The following CAST variants were observed in gnomAD, a reference collection of about 807,000 sequenced individuals.
CAST encodes the protein MIR583 host.
CAST carries 76 observed loss-of-function variants against 119.6 expected under a neutral mutation model. The ratio of observed to expected loss-of-function variants is 0.64; its 90% confidence interval spans 0.53 to 0.77. The LOEUF (loss-of-function observed/expected upper bound fraction) is 0.77, where lower values mean the gene tolerates loss of function less well. Among genes scored for constraint, CAST ranks in the 30% least tolerant of loss-of-function variants. CAST has a pLI of 0.00. For synonymous variants in CAST, 319 were observed against 331.6 expected (o/e 0.96, Z 0.41); for missense variants, 953 against 946.5 (o/e 1.01, Z -0.09).
At chr5:96,698,093 C>T (rs1472703319) in intron 3 of CAST, among the ~76,000 whole-genome samples, 1 of 152,194 alleles carries the variant, frequency 6.6e-6, no homozygotes, top group Non-Finnish European at 1.5e-5. Flanking sequence ...TGTAAATGTT[C>T]CCACACTTGC....
At chr5:96,147,075 G>T in the CAST span, among the ~76,000 whole-genome samples, 1 of 152,150 alleles carries the variant, frequency 6.6e-6, no homozygotes, top group Non-Finnish European at 1.5e-5. Context: ...TAACTTTAGT[G>T]CCCCATGTTC....
chr5:96,627,393 T>C (rs530526152), intron 1 of CAST, among the ~76,000 whole-genome samples: 130 of 152,358 alleles, frequency 8.5e-4, no homozygotes, highest in Non-Finnish European at 1.5e-3. Context: ...AGACCTTTTA[T>C]GTAAAATGAC....
the CAST span, among the ~76,000 whole-genome samples, chr5:96,517,571 G>T: frequency 5.1e-4 from 77 of 152,190 alleles, 1 homozygote; most frequent in Admixed American, 1.8e-3. Context: ...AATGGAGCTG[G>T]CACTCATTGT....
intron 1 of CAST, among the ~76,000 whole-genome samples, chr5:96,555,240 G>A (rs566955668): frequency 7.9e-5 from 12 of 152,114 alleles, no homozygotes; most frequent in South Asian, 2.1e-4. Flanking sequence ...GGATGAGTTC[G>A]GAGGGTGGAG....
At chr5:96,507,187 A>G in the CAST span, among the ~76,000 whole-genome samples, 1 of 152,082 alleles carries the variant, frequency 6.6e-6, no homozygotes, top group African/African-American at 2.4e-5. Flanking sequence ...AGACCTGGGG[A>G]TGAGAAGGAG....
At chr5:96,409,198 G>T in the CAST span, among the ~76,000 whole-genome samples, 1 of 152,186 alleles carries the variant, frequency 6.6e-6, no homozygotes, top group Non-Finnish European at 1.5e-5. Flanking sequence ...CGGCGCTGCT[G>T]GTTGGGCCAA....
chr5:96,490,327 A>G, the CAST span, among the ~76,000 whole-genome samples: 1 of 149,174 alleles, frequency 6.7e-6, no homozygotes, highest in Non-Finnish European at 1.5e-5. Flanking sequence ...ATTTCAGCAG[A>G]GGGGTGTTGT....
At chr5:96,095,396 C>T in the CAST span, among the ~76,000 whole-genome samples, 42 of 151,110 alleles carry the variant, frequency 2.8e-4, no homozygotes, top group Admixed American at 7.9e-4. Flanking sequence ...ATAGAGACAC[C>T]CCTGTTTCTA....
intron 1 of CAST, among the ~76,000 whole-genome samples, chr5:96,620,640 A>T (rs867392916): frequency 2.6e-5 from 4 of 152,164 alleles, no homozygotes; most frequent in Non-Finnish European, 5.9e-5. Flanking sequence ...TTGACTTATG[A>T]TATTTATCAA....
chr5:96,202,669 T>A, the CAST span, among the ~76,000 whole-genome samples: 1 of 152,116 alleles, frequency 6.6e-6, no homozygotes, highest in Non-Finnish European at 1.5e-5. Flanking sequence ...AAGATAGCAT[T>A]GACTTTAGGT....
intron 1 of CAST, among the ~76,000 whole-genome samples, chr5:96,597,732 T>C (rs972303037): frequency 6.6e-5 from 10 of 152,286 alleles, no homozygotes; most frequent in Admixed American, 5.9e-4. Context: ...TACCAAATAA[T>C]TATCGTGTCT....
rs27969 is a variant in CAST at position 96,757,737 on chromosome 5, C to T, written c.1833+83C>T. The stretch of plus-strand genomic sequence containing the variant: ...ATGGAGTCTTGCTCTGTCATCCAGG[C>T]GGGAGTACAGTGGTGCCATCTTCAG... On this transcript the variant is annotated intron_variant, in intron 24 of 31. Transcript: ENST00000675179. The T allele has an allele frequency of 0.28, 253,735 of 917,914 alleles. 39,238 individuals carry two copies. The highest frequency in any genetic ancestry group is 0.57 in the East Asian group (21,859 of 38,638). 56.9% of individuals were successfully genotyped at this position (917,914 alleles called of 1,614,324 possible).
chr5:96,024,436 T>C, the CAST span, among the ~76,000 whole-genome samples: 4 of 152,176 alleles, frequency 2.6e-5, no homozygotes, highest in African/African-American at 9.6e-5. Flanking sequence ...GCAGTGATAT[T>C]TGTAATTCCT....
the CAST span, among the ~76,000 whole-genome samples, chr5:96,221,467 G>A: frequency 6.6e-6 from 1 of 151,846 alleles, no homozygotes. Context: ...CACCAATAAT[G>A]AAATAGCTGA....
intron 1 of CAST, among the ~76,000 whole-genome samples, chr5:96,616,204 C>T (rs796885321): frequency 2.6e-5 from 4 of 152,300 alleles, no homozygotes; most frequent in African/African-American, 9.6e-5. Context: ...TCCTTCAATC[C>T]AATCAAGTTG....
At chr5:96,478,928 T>C in the CAST span, among the ~76,000 whole-genome samples, 1 of 152,184 alleles carries the variant, frequency 6.6e-6, no homozygotes, top group Non-Finnish European at 1.5e-5. Context: ...GGATAACTGA[T>C]AGACTCAATT....
the CAST span, among the ~76,000 whole-genome samples, chr5:96,416,760 C>CCCCAGG: frequency 1.3e-5 from 2 of 152,160 alleles, no homozygotes; most frequent in African/African-American, 4.8e-5. Context: ...TCCTGAAATC[C>CCCCAGG]CAACTGGGGC....
At chr5:96,660,827 A>T (rs531313342), upstream of CAST, among the ~76,000 whole-genome samples, 119 of 152,130 alleles carry the variant, frequency 7.8e-4, 3 homozygotes, top group South Asian at 0.025. Flanking sequence ...GCCAACAATC[A>T]TTTGTTTTTC....
chr5:96,720,889 G>C (rs1758114919), intron 3 of CAST, among the ~76,000 whole-genome samples: 2 of 152,192 alleles, frequency 1.3e-5, no homozygotes, highest in Non-Finnish European at 1.5e-5. Context: ...TTCTGTGTTG[G>C]TGTTGCATGG....
Sources: allele counts gnomAD v4.1 joint callset (sites outside exome capture counted in the v4.1 genomes callset), GRCh38; gene constraint gnomAD v4.1.1; transcripts MANE v1.5; gene names NCBI Gene and HGNC (gene_info 2026-07-23, HGNC 2026-07-21).